Variants in CNTNAP2 observed in about 807,000 individuals in gnomAD.
CNTNAP2 encodes contactin-associated protein-like 2.
CNTNAP2 carries 98 observed loss-of-function variants against 155.2 expected under a neutral mutation model. The observed-to-expected ratio is 0.63, with a 90% CI of 0.54 to 0.75. The LOEUF (loss-of-function observed/expected upper bound fraction) is 0.75, where lower values mean the gene tolerates loss of function less well. Ranked by LOEUF, CNTNAP2 falls within the 30% of genes least tolerant of loss-of-function variation. The pLI is 0.00. For missense variants in CNTNAP2, 1,727 were observed against 1,688.1 expected (o/e 1.02, Z -0.40); for synonymous variants, 651 against 631.2 (o/e 1.03, Z -0.47).
intron 8 of CNTNAP2, among the ~76,000 whole-genome samples, chr7:147,139,322 G>A (rs896216320): frequency 6.6e-6 from 1 of 152,026 alleles, no homozygotes; most frequent in African/African-American, 2.4e-5. Context: ...TAAGCAATAT[G>A]GATTTACATA....
Position 147,062,127 on chromosome 7 carries a change from C to CAAAAAAAAA in CNTNAP2, c.550+18108_550+18116dup, listed in dbSNP as rs869125044. 1.6e-3 allele frequency among the ~76,000 whole-genome samples: 74 copies of CAAAAAAAAA among 44,930 alleles called. 7 individuals are homozygous for CAAAAAAAAA. Among genetic ancestry groups the CAAAAAAAAA allele is most frequent in the East Asian group, 4.1e-3 (3 of 736 alleles). 29.5% of individuals were successfully genotyped at this position (44,930 alleles called of 152,430 possible). On this transcript the variant is annotated intron_variant, in intron 4 of 23. Transcript: ENST00000361727. The stretch of plus-strand genomic sequence containing the variant: ...TGGGCGACAGAGCGAGACTCCGTCT[C>CAAAAAAAAA]AAAAAAAAAAAAAAAAAAAAAAAAA...
chr7:147,729,672 G>A (rs1796707714), intron 13 of CNTNAP2, among the ~76,000 whole-genome samples: 1 of 152,074 alleles, frequency 6.6e-6, no homozygotes, highest in Non-Finnish European at 1.5e-5. Flanking sequence ...ACAACATGAG[G>A]AGCAGTGAGG....
chr7:147,764,711 C>A (rs1797358347), intron 13 of CNTNAP2, among the ~76,000 whole-genome samples: 1 of 152,294 alleles, frequency 6.6e-6, no homozygotes, highest in South Asian at 2.1e-4. Flanking sequence ...ATTCTGGAAA[C>A]AAAAGCTGCT....
intron 1 of CNTNAP2, among the ~76,000 whole-genome samples, chr7:146,728,195 G>T (rs1801464896): frequency 6.6e-6 from 1 of 152,042 alleles, no homozygotes; most frequent in Non-Finnish European, 1.5e-5. Context: ...TGATGTTTCA[G>T]GTAAAGCGTT....
intron 2 of CNTNAP2, among the ~76,000 whole-genome samples, chr7:146,788,037 C>T (rs1008574284): frequency 6.6e-6 from 1 of 152,238 alleles, no homozygotes; most frequent in African/African-American, 2.4e-5. Context: ...AGGTCCCCAC[C>T]CTACCGAGAA....
At chr7:146,803,062 T>G (rs2129191948) in intron 2 of CNTNAP2, among the ~76,000 whole-genome samples, 1 of 152,280 alleles carries the variant, frequency 6.6e-6, no homozygotes, top group South Asian at 2.1e-4. Flanking sequence ...TGAAAAGATC[T>G]CAATTTCATT....
rs1799794409 is a variant in CNTNAP2 at position 147,548,879 on chromosome 7, T to C, written c.1778-13259T>C. ...GAATAGGAGATCGTTTCCCCATTGC[T>C]TGTTTTTGTCGCATTTGTCAAAGAG... On this transcript the variant is annotated intron_variant, in intron 11 of 23. Coordinates refer to ENST00000361727, the MANE Select transcript of CNTNAP2 (RefSeq NM_014141.6). Among the ~76,000 whole-genome samples, 6 of 152,196 alleles carry C rather than the reference T, an allele frequency of 3.9e-5. 1 individual carries two copies. Among genetic ancestry groups the C allele is most frequent in the Admixed American group, 3.9e-4 (6 of 15,282 alleles).
In CNTNAP2 at chr7:146,838,811, G is replaced by A. The variant is rs373870480; in HGVS notation, c.209-900G>A. 8.5e-5 allele frequency among the ~76,000 whole-genome samples: 13 copies of A among 152,084 alleles called. No individual in the cohort carries two copies. The East Asian group carries it at 1.4e-3, about 16-fold the overall frequency. ...TCCTTATTTAAAAAATAGTACACAC[G>A]TTTTGATATACTGTACATTGGATAA... is the stretch of plus-strand genomic sequence containing the variant. On this transcript the variant is annotated intron_variant, in intron 2 of 23. Transcript: ENST00000361727.
intron 14 of CNTNAP2, among the ~76,000 whole-genome samples, chr7:147,924,617 G>T (rs1800350975): frequency 6.6e-6 from 1 of 152,152 alleles, no homozygotes. Flanking sequence ...CTGCAGCCAT[G>T]ATACTCCACC....
In CNTNAP2 at chr7:147,233,794, A is replaced by G. The variant is rs191430057; in HGVS notation, c.1349-66347A>G. ...TGAATTAATGAAAATGTATATGTCT[A>G]AAACAAAGATATATAATTTAAAATA... On this transcript the variant is annotated intron_variant, in intron 8 of 23. Transcript: ENST00000361727. Among the ~76,000 whole-genome samples the G allele has an allele frequency of 9.9e-4, 150 of 152,186 alleles. 1 individual carries two copies. The highest frequency in any genetic ancestry group is 3.3e-3 in the South Asian group (16 of 4,828).
intron 10 of CNTNAP2, among the ~76,000 whole-genome samples, chr7:147,455,674 T>C (rs1363086085): frequency 4.6e-5 from 7 of 151,960 alleles, no homozygotes; most frequent in African/African-American, 1.7e-4. Context: ...ATGAAAAATC[T>C]GGCAAAGAAT....
chr7:146,953,212 A>G (rs1563018629), intron 3 of CNTNAP2, among the ~76,000 whole-genome samples: 2 of 152,006 alleles, frequency 1.3e-5, no homozygotes, highest in African/African-American at 4.8e-5. Flanking sequence ...TGGTCTTATA[A>G]GCATTTTTGC....
At chr7:147,012,716 G>A (rs147766845) in intron 3 of CNTNAP2, among the ~76,000 whole-genome samples, 128 of 152,252 alleles carry the variant, frequency 8.4e-4, no homozygotes, top group Admixed American at 3.5e-3. Flanking sequence ...TTGAGAAGTT[G>A]TCATGCCAAA....
At chr7:147,441,787 C>T (rs1797639010) in intron 10 of CNTNAP2, among the ~76,000 whole-genome samples, 1 of 150,548 alleles carries the variant, frequency 6.6e-6, no homozygotes, top group Non-Finnish European at 1.5e-5. Flanking sequence ...TCTTCCCTTA[C>T]TTTCTTCCAA....
chr7:147,826,838 G>A (rs1422996807), intron 13 of CNTNAP2, among the ~76,000 whole-genome samples: 3 of 151,982 alleles, frequency 2.0e-5, no homozygotes, highest in Non-Finnish European at 4.4e-5. Context: ...AATGAATTCA[G>A]TTGGTTCTTT....
At chr7:148,192,845 A>T (rs1795222134) in intron 18 of CNTNAP2, among the ~76,000 whole-genome samples, 1 of 151,990 alleles carries the variant, frequency 6.6e-6, no homozygotes, top group East Asian at 1.9e-4. Flanking sequence ...ATATGACTTT[A>T]TTTTTTTCCT....
Position 147,572,701 on chromosome 7 carries a change from AACACACACACACAC to A in CNTNAP2, c.1897+10464_1897+10477del, listed in dbSNP as rs55950116. Among the ~76,000 whole-genome samples, 122 of 148,968 alleles carry A rather than the reference AACACACACACACAC, an allele frequency of 8.2e-4. 1 individual carries two copies. Among genetic ancestry groups the A allele is most frequent in the Non-Finnish European group, 3.1e-4 (21 of 67,036 alleles). ...AATCAACTATTCAAACAGGATGGGA[AACACACACACACAC>A]ACACACACACACACACACATGTTGG... On this transcript the variant is annotated intron_variant, in intron 12 of 23. Coordinates refer to ENST00000361727, the MANE Select transcript of CNTNAP2 (RefSeq NM_014141.6).
At chr7:147,790,223 C>A (rs921458218) in intron 13 of CNTNAP2, among the ~76,000 whole-genome samples, 1 of 152,218 alleles carries the variant, frequency 6.6e-6, no homozygotes, top group Admixed American at 6.5e-5. Context: ...AGTCCACCAC[C>A]CACCCCAGCA....
chr7:147,371,729 T>C (rs1178833700), intron 9 of CNTNAP2, among the ~76,000 whole-genome samples: 2 of 152,168 alleles, frequency 1.3e-5, no homozygotes, highest in African/African-American at 2.4e-5. Flanking sequence ...GGCTCATTTG[T>C]TCCCTCTGAC....
Sources: allele counts gnomAD v4.1 joint callset (sites outside exome capture counted in the v4.1 genomes callset), GRCh38; gene constraint gnomAD v4.1.1; transcripts MANE v1.5; gene names NCBI Gene and HGNC (gene_info 2026-07-23, HGNC 2026-07-21).